LINGO2: variants seen among roughly 807,000 people sequenced by gnomAD.
LINGO2 encodes leucine rich repeat and Ig domain containing 2.
Under a neutral mutation model 30.6 loss-of-function variants are expected in LINGO2, and 14 were observed. The ratio of observed to expected loss-of-function variants is 0.46; its 90% CI spans 0.30 to 0.72. The LOEUF is 0.72. LINGO2 is among the 30% of genes least tolerant of loss of function. The pLI is 0.07. For missense variants in LINGO2, 729 were observed against 751.7 expected, an observed-to-expected ratio of 0.97 and a Z score of 0.35; for synonymous variants, 317 against 288.5, an observed-to-expected ratio of 1.10 and a Z score of -1.00.
intron 5 of LINGO2, among the ~76,000 whole-genome samples, chr9:27,981,543 AAAAAAAAG>A (rs1820860613): frequency 1.1e-4 from 13 of 121,020 alleles, no homozygotes; most frequent in Admixed American, 3.2e-4. Context: ...GCAAAAAAAA[AAAAAAAAG>A]AAAAAAAAGA....
intron 1 of LINGO2, among the ~76,000 whole-genome samples, chr9:28,553,756 G>A (rs1021928063): frequency 4.0e-5 from 6 of 151,726 alleles, no homozygotes; most frequent in East Asian, 1.9e-4. Context: ...GAGAAAGGTC[G>A]GGTTACCCTC....
At chr9:28,772,929 A>C in the LINGO2 span, among the ~76,000 whole-genome samples, 3 of 152,238 alleles carry the variant, frequency 2.0e-5, no homozygotes, top group African/African-American at 7.2e-5. Context: ...AAATGGAGCT[A>C]GAATTCAAAC....
chr9:28,951,416 G>T, the LINGO2 span, among the ~76,000 whole-genome samples: 18 of 152,014 alleles, frequency 1.2e-4, no homozygotes, highest in African/African-American at 4.3e-4. Context: ...GTGAAGAAAG[G>T]GAGAAAGAGG....
In LINGO2 at chr9:27,983,507, C is replaced by G. The variant is rs1820981890; in HGVS notation, c.-36+28848G>C. 4.6e-5 allele frequency among the ~76,000 whole-genome samples: 7 copies of G among 151,802 alleles called. No individual in the cohort carries two copies. The South Asian group carries it at 1.2e-3, about 27-fold the overall frequency. ...GTACCAGGACCCTGTTGGTAGGTAC[C>G]AGAGATGCAAAAGCATATAAAGACA... On this transcript the variant is annotated intron_variant, in intron 5 of 5. Coordinates refer to ENST00000379992, the Ensembl canonical transcript of LINGO2.
chr9:28,716,110 C>T, the LINGO2 span, among the ~76,000 whole-genome samples: 1 of 151,508 alleles, frequency 6.6e-6, no homozygotes, highest in Non-Finnish European at 1.5e-5. Context: ...AATGGATATA[C>T]CATTCTCCTG....
intron 1 of LINGO2, among the ~76,000 whole-genome samples, chr9:28,611,281 A>T (rs1382666017): frequency 1.3e-5 from 2 of 152,202 alleles, no homozygotes; most frequent in Admixed American, 1.3e-4. Flanking sequence ...GTTTTGATAT[A>T]GGTATACCCT....
intron 1 of LINGO2, among the ~76,000 whole-genome samples, chr9:28,553,831 G>A (rs1036691733): frequency 2.0e-5 from 3 of 152,032 alleles, no homozygotes; most frequent in Non-Finnish European, 2.9e-5. Context: ...AGAAGAGACT[G>A]GGGGCCGATA....
At chr9:28,016,783 T>C (rs1295236008) in intron 4 of LINGO2, among the ~76,000 whole-genome samples, 1 of 150,374 alleles carries the variant, frequency 6.7e-6, no homozygotes, top group African/African-American at 2.4e-5. Context: ...CTGGTATCAA[T>C]CCTACGGAAA....
chr9:29,116,890 T>G, the LINGO2 span, among the ~76,000 whole-genome samples: 1 of 152,116 alleles, frequency 6.6e-6, no homozygotes, highest in East Asian at 1.9e-4. Flanking sequence ...TACTGAATAT[T>G]TTACATAATG....
At chr9:29,005,771 G>T in the LINGO2 span, among the ~76,000 whole-genome samples, 2 of 151,822 alleles carry the variant, frequency 1.3e-5, no homozygotes, top group Non-Finnish European at 2.9e-5. Flanking sequence ...AACCACATTT[G>T]GTTGATAAAC....
At chr9:28,506,412 ATATAT>A (rs1820119785) in intron 1 of LINGO2, among the ~76,000 whole-genome samples, 15 of 67,268 alleles carry the variant, frequency 2.2e-4, no homozygotes, top group African/African-American at 1.1e-3. Flanking sequence ...ATATATATAT[ATATAT>A]ATATACACAC....
Position 28,148,497 on chromosome 9 carries a change from AG to A in LINGO2, c.-86-136093del. ...ACAGACCAGGTAGAGACCCAGGGGC[AG>A]GAGGACAATAAAAGGGGCCCCTGTA... On this transcript the variant is annotated intron_variant, in intron 4 of 5. Transcript: ENST00000379992. This position sits in a 1 kb window ranked among gnomAD's most constrained non-coding sequence, Gnocchi z 5.1. The A allele has an allele frequency of 6.9e-7, 1 of 1,448,954 alleles. No individual in the cohort carries two copies. The highest frequency in any genetic ancestry group is 1.4e-5 in the African/African-American group (1 of 71,388). The allele number at this position is 1,448,954 out of a possible 1,614,324, so 89.8% of individuals were successfully genotyped here. A position where few individuals can be genotyped will look rare whatever the true frequency, so the allele number is the denominator to read the frequency against.
chr9:28,066,484 G>A (rs563366044), intron 4 of LINGO2, among the ~76,000 whole-genome samples: 1 of 152,232 alleles, frequency 6.6e-6, no homozygotes, highest in South Asian at 2.1e-4. Context: ...GATGTATCAT[G>A]ATCTCAGTCC....
intron 2 of LINGO2, among the ~76,000 whole-genome samples, chr9:28,422,836 A>G (rs1316634912): frequency 6.6e-6 from 1 of 152,092 alleles, no homozygotes; most frequent in African/African-American, 2.4e-5. Flanking sequence ...AGTATTTTTC[A>G]GGAAAAATAA....
chr9:28,170,211 G>A (rs756071331), intron 4 of LINGO2, among the ~76,000 whole-genome samples: 7 of 152,270 alleles, frequency 4.6e-5, no homozygotes, highest in South Asian at 4.1e-4. Flanking sequence ...TTTGAGGCAC[G>A]GAAAGAAGGT....
chr9:28,427,846 G>A (rs7869224), intron 2 of LINGO2, among the ~76,000 whole-genome samples: 140,881 of 152,152 alleles, frequency 0.93, 65,289 homozygotes, highest in East Asian at 1. Context: ...GTAGGGGAAA[G>A]CTCCTAATAT....
At chr9:28,686,664 C>T in the LINGO2 span, among the ~76,000 whole-genome samples, 1 of 152,078 alleles carries the variant, frequency 6.6e-6, no homozygotes, top group African/African-American at 2.4e-5. Flanking sequence ...TCAATTTCTA[C>T]ACCTAGTCCT....
At chr9:28,075,645 G>C (rs1825601445) in intron 4 of LINGO2, among the ~76,000 whole-genome samples, 1 of 151,776 alleles carries the variant, frequency 6.6e-6, no homozygotes, top group South Asian at 2.1e-4. Context: ...GTATATCCTA[G>C]ATTGAACATG....
At chr9:28,753,593 T>C in the LINGO2 span, among the ~76,000 whole-genome samples, 1 of 152,050 alleles carries the variant, frequency 6.6e-6, no homozygotes, top group Non-Finnish European at 1.5e-5. Flanking sequence ...AAGCTTTTAA[T>C]TTCTGGCTCT....
Sources: gnomAD v4.1 joint callset for allele counts (sites outside exome capture counted in the v4.1 genomes callset) on GRCh38, gnomAD v4.1.1 for gene constraint, Gnocchi (gnomAD v3.1) non-coding constraint, MANE v1.5 for transcripts, NCBI Gene and HGNC (gene_info 2026-07-23, HGNC 2026-07-21) for gene names.